SIM1: variants seen among roughly 807,000 people sequenced by gnomAD.
The protein encoded by SIM1 is single-minded homolog 1.
SIM1 carries 18 observed loss-of-function variants against 78.2 expected under a neutral mutation model. The observed-to-expected ratio is 0.23, with a 90% CI of 0.16 to 0.34. The LOEUF (loss-of-function observed/expected upper bound fraction) is 0.34. Among genes scored for constraint, SIM1 ranks in the 10% least tolerant of loss-of-function variants. SIM1 has a pLI of 1.00. For missense variants in SIM1, 939 were observed against 975.1 expected (o/e 0.96, Z 0.49); for synonymous variants, 417 against 385.2 (o/e 1.08, Z -0.97).
chr6:100,426,721 A>C (rs1464161889), intron 9 of SIM1, among the ~76,000 whole-genome samples: 2 of 152,234 alleles, frequency 1.3e-5, no homozygotes, highest in Admixed American at 6.5e-5. Flanking sequence ...TTGTTGATTC[A>C]AGATTATTTG....
At chr6:100,464,201 GGGATCTTCCGCCGC>G (rs1373320990) in intron 1 of SIM1, among the ~76,000 whole-genome samples, 8 of 152,330 alleles carry the variant, frequency 5.3e-5, no homozygotes, top group Non-Finnish European at 7.3e-5. Flanking sequence ...AGACCCGCAA[GGGATCTTCCGCCGC>G]GGATCCCCGA....
Position 100,385,878 on chromosome 6 carries a change from T to A in SIM1, c.*4483A>T, listed in dbSNP as rs2114451761. On this transcript the variant is annotated 3_prime_UTR_variant, in exon 12 of 12. Transcript: ENST00000369208. ...CACTTTTTGAGTTAAGCACTATCTG[T>A]ACAACCCTTACAAGAAATTAGCACC... The A allele has an allele frequency of 6.6e-6, 1 of 152,122 alleles. No homozygotes were observed. The highest frequency in any genetic ancestry group is 2.1e-4 in the South Asian group (1 of 4,818). The allele number at this position is 152,122 out of a possible 1,614,324, so 9.4% of individuals were successfully genotyped here.
intron 10 of SIM1, 69 bp downstream of exon 10, chr6:100,420,721 A>C: frequency 7.0e-7 from 1 of 1,430,484 alleles, no homozygotes; most frequent in Non-Finnish European, 9.8e-7. Context: ...TAGTTTTAAT[A>C]CTTTCTCAAC....
chr6:100,397,200 T>G (rs1408178805), intron 10 of SIM1, among the ~76,000 whole-genome samples: 1 of 152,216 alleles, frequency 6.6e-6, no homozygotes, highest in Non-Finnish European at 1.5e-5. Flanking sequence ...ACATGCTGCC[T>G]TTTGGTCAAT....
chr6:100,404,027 C>G (rs74987893), intron 10 of SIM1, among the ~76,000 whole-genome samples: 274 of 152,194 alleles, frequency 1.8e-3, no homozygotes, highest in African/African-American at 6.1e-3. Flanking sequence ...TGTCCTACCC[C>G]CTATGCAGTA....
intron 2 of SIM1, among the ~76,000 whole-genome samples, chr6:100,458,170 G>A (rs3778030): frequency 6.6e-6 from 1 of 151,784 alleles, no homozygotes; most frequent in African/African-American, 2.4e-5. Context: ...GCGAAAAGAC[G>A]GCAGAAACCC....
intron 10 of SIM1, among the ~76,000 whole-genome samples, chr6:100,405,164 A>G (rs1771022848): frequency 1.3e-5 from 2 of 151,776 alleles, no homozygotes; most frequent in Admixed American, 6.6e-5. Context: ...TTGGAAAAGA[A>G]CCCTCCTGAG....
At chr6:100,429,398 G>T (rs1236179795) in intron 9 of SIM1, among the ~76,000 whole-genome samples, 2 of 150,558 alleles carry the variant, frequency 1.3e-5, no homozygotes, top group African/African-American at 4.9e-5. Flanking sequence ...CTATATACAA[G>T]GGTGTTTATC....
At chr6:100,460,536 A>G (rs1275154607) in intron 2 of SIM1, among the ~76,000 whole-genome samples, 1 of 152,178 alleles carries the variant, frequency 6.6e-6, no homozygotes, top group East Asian at 1.9e-4. Context: ...ACCTATCTTT[A>G]TTTCATCCTT....
At chr6:100,456,892 A>G (rs1000434199) in intron 2 of SIM1, among the ~76,000 whole-genome samples, 2 of 152,170 alleles carry the variant, frequency 1.3e-5, no homozygotes, top group African/African-American at 4.8e-5. Context: ...CGGGTTTTGT[A>G]ATTTCCTGAA....
At chr6:100,435,638 T>C (rs1243388832) in intron 9 of SIM1, among the ~76,000 whole-genome samples, 2 of 152,142 alleles carry the variant, frequency 1.3e-5, no homozygotes, top group African/African-American at 2.4e-5. Flanking sequence ...GAATTACCTC[T>C]TATAAAAGAA....
intron 2 of SIM1, among the ~76,000 whole-genome samples, chr6:100,458,587 C>A (rs531394636): frequency 6.6e-6 from 1 of 152,302 alleles, no homozygotes; most frequent in South Asian, 2.1e-4. Flanking sequence ...CCTGGGCCGG[C>A]CTGGGGAGTA....
chr6:100,438,406 G>C (rs1372916624), intron 9 of SIM1, among the ~76,000 whole-genome samples: 1 of 152,182 alleles, frequency 6.6e-6, no homozygotes, highest in Non-Finnish European at 1.5e-5. Flanking sequence ...TAAAACCCCA[G>C]TGAGGTACCA....
chr6:100,442,034 A>G (rs1005034597), intron 9 of SIM1, among the ~76,000 whole-genome samples: 1 of 152,202 alleles, frequency 6.6e-6, no homozygotes, highest in African/African-American at 2.4e-5. Context: ...TACTCAGCAT[A>G]TCTGAGCCTC....
At chr6:100,443,378 G>A (rs1341239495) in intron 9 of SIM1, among the ~76,000 whole-genome samples, 1 of 152,058 alleles carries the variant, frequency 6.6e-6, no homozygotes, top group Admixed American at 6.6e-5. Flanking sequence ...AAGTTGAGAT[G>A]TTAAATCTGT....
At chr6:100,400,275 A>G (rs1184354095) in intron 10 of SIM1, among the ~76,000 whole-genome samples, 2 of 152,014 alleles carry the variant, frequency 1.3e-5, no homozygotes, top group Admixed American at 6.5e-5. Context: ...GTATGGCTAT[A>G]TATCACTTCA....
chr6:100,386,312 A>T lies in SIM1; in HGVS notation c.*4049T>A, dbSNP rs1306628330. On this transcript the variant is annotated 3_prime_UTR_variant, in exon 12 of 12. Coordinates refer to ENST00000369208, the MANE Select transcript of SIM1 (RefSeq NM_005068.3). The stretch of plus-strand genomic sequence containing the variant: ...GTGACCCCAAAATGGTCAAATGCTC[A>T]ATTTTCCAAATATCAGCATTCACTC... 1.3e-5 allele frequency: 2 copies of T among 151,998 alleles called. No homozygotes were observed. The highest frequency in any genetic ancestry group is 4.8e-5 in the African/African-American group (2 of 41,424). The allele number at this position is 151,998 out of a possible 1,614,324, so 9.4% of individuals were successfully genotyped here.
At chr6:100,429,693 A>T (rs1450903652) in intron 9 of SIM1, among the ~76,000 whole-genome samples, 1 of 152,048 alleles carries the variant, frequency 6.6e-6, no homozygotes, top group Non-Finnish European at 1.5e-5. Context: ...CATTACCTTA[A>T]TTTTTTCTCT....
At chr6:100,439,593 G>A (rs1048207422) in intron 9 of SIM1, among the ~76,000 whole-genome samples, 2 of 152,128 alleles carry the variant, frequency 1.3e-5, no homozygotes, top group African/African-American at 4.8e-5. Flanking sequence ...CTGGTATACA[G>A]CCACACTCAG....
Sources: allele counts gnomAD v4.1 joint callset (sites outside exome capture counted in the v4.1 genomes callset), GRCh38; gene constraint gnomAD v4.1.1; transcripts MANE v1.5; gene names NCBI Gene and HGNC (gene_info 2026-07-23, HGNC 2026-07-21).